RBMS1: variants seen among roughly 807,000 people sequenced by gnomAD.
RBMS1 encodes the protein RNA binding motif single stranded interacting protein 1.
A neutral mutation model predicts 62.3 loss-of-function variants in RBMS1; 17 were observed. That is an observed-to-expected ratio of 0.27 (90% CI 0.19 to 0.41). RBMS1 has a LOEUF of 0.41. Among genes scored for constraint, RBMS1 ranks in the 10% least tolerant of loss-of-function variants. RBMS1 has a pLI of 1.00. For missense variants in RBMS1, 334 were observed against 504.5 expected (o/e 0.66, Z 3.24); for synonymous variants, 172 against 170.0 (o/e 1.01, Z -0.09).
chr2:160,278,063 C>T (rs1687926143), intron 11 of RBMS1: 5 of 166,054 alleles, frequency 3.0e-5, no homozygotes. Context: ...TGCTAAGCAT[C>T]AAATCTGGAA....
intron 6 of RBMS1, among the ~76,000 whole-genome samples, chr2:160,287,628 C>T (rs1339158797): frequency 6.6e-6 from 1 of 152,256 alleles, no homozygotes; most frequent in Non-Finnish European, 1.5e-5. Context: ...AGGCTATACG[C>T]CCCATGGGGG....
In RBMS1 at chr2:160,397,128, T is replaced by C. The variant is rs535854075; in HGVS notation, c.76-29737A>G. 8.5e-5 allele frequency among the ~76,000 whole-genome samples: 13 copies of C among 152,178 alleles called. No homozygotes were observed. The East Asian group carries it at 2.1e-3, about 25-fold the overall frequency. On this transcript the variant is annotated intron_variant, in intron 1 of 13. Transcript: ENST00000348849. ...TTGCTCGTGGAGGGTCAGGATACCATGCCAACTCGTACCTCTGAACTCCCA... is the reference window on the plus strand; with the variant it reads ...TTGCTCGTGGAGGGTCAGGATACCACGCCAACTCGTACCTCTGAACTCCCA...
Position 160,493,446 on chromosome 2 carries a change from G to T in RBMS1, c.-83C>A. 1.5e-6 allele frequency: 2 copies of T among 1,363,112 alleles called. No individual in the cohort carries two copies. Among genetic ancestry groups the T allele is most frequent in the Non-Finnish European group, 2.1e-6 (2 of 968,194 alleles). The allele number at this position is 1,363,112 out of a possible 1,614,324, so 84.4% of individuals were successfully genotyped here. Reference sequence around the variant, plus strand: ...CGGGCTCTCCTGCCTCTCCCTTTCCGGCGGCGGCGGCAGCGGCGGCGGCGG... The same window carrying T: ...CGGGCTCTCCTGCCTCTCCCTTTCCTGCGGCGGCGGCAGCGGCGGCGGCGG... On this transcript the variant is annotated 5_prime_UTR_variant, in exon 1 of 14. Transcript: ENST00000348849.
intron 11 of RBMS1, 86 bp from the exon 12 acceptor site, chr2:160,277,469 G>A: frequency 2.0e-6 from 2 of 991,616 alleles, no homozygotes; most frequent in Non-Finnish European, 3.2e-6. Flanking sequence ...TGGATATAAT[G>A]TATTTGGAAA....
chr2:160,303,780 A>G (rs1689341249), intron 4 of RBMS1, among the ~76,000 whole-genome samples: 1 of 152,132 alleles, frequency 6.6e-6, no homozygotes, highest in Non-Finnish European at 1.5e-5. Context: ...GGTGTTTCTA[A>G]AAATAACTGA....
chr2:160,485,137 G>C (rs1377901882), intron 1 of RBMS1, among the ~76,000 whole-genome samples: 1 of 152,244 alleles, frequency 6.6e-6, no homozygotes, highest in East Asian at 1.9e-4. Context: ...AGGGGGAAAA[G>C]GGAACGAGTT....
At chr2:160,397,331 A>T (rs1036941022) in intron 1 of RBMS1, among the ~76,000 whole-genome samples, 5 of 152,114 alleles carry the variant, frequency 3.3e-5, no homozygotes, top group East Asian at 1.9e-4. Flanking sequence ...CTAAGCTTTC[A>T]TAAAAAGGTG....
chr2:160,305,310 G>A (rs1246052975), intron 4 of RBMS1, among the ~76,000 whole-genome samples: 1 of 152,178 alleles, frequency 6.6e-6, no homozygotes, highest in Non-Finnish European at 1.5e-5. Context: ...GTCATGGTAA[G>A]TGCCCTATAA....
In RBMS1 at chr2:160,303,324, G is replaced by T; in HGVS notation, c.560+6C>A. The T allele has an allele frequency of 6.3e-7, 1 of 1,595,084 alleles. No homozygotes were observed. The highest frequency in any genetic ancestry group is 1.8e-5 in the Admixed American group (1 of 56,508). ...TGACATAATAAAGACTGGGCAGAAG[G>T]CTTACCTAGCAAAGCCAACACCACG... On this transcript the variant is annotated splice_donor_region_variant and intron_variant, in intron 5 of 13. Transcript: ENST00000348849.
intron 1 of RBMS1, among the ~76,000 whole-genome samples, chr2:160,400,097 C>T (rs374706847): frequency 2.0e-5 from 3 of 152,178 alleles, no homozygotes; most frequent in African/African-American, 7.2e-5. Flanking sequence ...GCAGTGCACA[C>T]CTAAAACTCC....
chr2:160,377,605 C>A (rs1444256679), intron 1 of RBMS1, among the ~76,000 whole-genome samples: 1 of 152,146 alleles, frequency 6.6e-6, no homozygotes, highest in Non-Finnish European at 1.5e-5. Context: ...GATTTCAAAC[C>A]CAGTATCTGC....
intron 1 of RBMS1, 70 bp from the exon 2 acceptor site, chr2:160,367,461 C>T: frequency 1.9e-6 from 3 of 1,578,970 alleles, no homozygotes; most frequent in East Asian, 2.2e-5. Flanking sequence ...AATGAAGTTA[C>T]CAAGATTTAA....
intron 1 of RBMS1, among the ~76,000 whole-genome samples, chr2:160,466,475 A>G (rs1684696152): frequency 6.6e-6 from 1 of 152,170 alleles, no homozygotes; most frequent in African/African-American, 2.4e-5. Flanking sequence ...AAGATTTTTA[A>G]ATTTGAGAAT....
chr2:160,446,147 C>T (rs1300576705), intron 1 of RBMS1, among the ~76,000 whole-genome samples: 1 of 152,120 alleles, frequency 6.6e-6, no homozygotes, highest in Non-Finnish European at 1.5e-5. Flanking sequence ...TAACACCTAC[C>T]TTCAAAAAGT....
At chr2:160,428,548 C>A (rs1682748683) in intron 1 of RBMS1, among the ~76,000 whole-genome samples, 1 of 152,084 alleles carries the variant, frequency 6.6e-6, no homozygotes, top group Non-Finnish European at 1.5e-5. Flanking sequence ...TTCTTACCAT[C>A]CCTGGCCATT....
At chr2:160,435,916 G>C (rs1683091226) in intron 1 of RBMS1, among the ~76,000 whole-genome samples, 1 of 152,104 alleles carries the variant, frequency 6.6e-6, no homozygotes, top group African/African-American at 2.4e-5. Context: ...AATTTGACTG[G>C]GGTATAGAGG....
chr2:160,402,732 CAG>C (rs1170073508), intron 1 of RBMS1, among the ~76,000 whole-genome samples: 2 of 152,134 alleles, frequency 1.3e-5, no homozygotes, highest in African/African-American at 4.8e-5. Context: ...TTCCTAGTAG[CAG>C]ACACAGCCCT....
At chr2:160,387,899 T>A (rs1186244735) in intron 1 of RBMS1, among the ~76,000 whole-genome samples, 1 of 152,022 alleles carries the variant, frequency 6.6e-6, no homozygotes. Context: ...AACCCAGAGG[T>A]TTATGCCTGG....
At chr2:160,364,232 G>A (rs1321200927) in intron 2 of RBMS1, among the ~76,000 whole-genome samples, 1 of 152,178 alleles carries the variant, frequency 6.6e-6, no homozygotes, top group Non-Finnish European at 1.5e-5. Context: ...TCCTGAACTT[G>A]CTGGTTAACT....
Sources: gnomAD v4.1 joint callset for allele counts (sites outside exome capture counted in the v4.1 genomes callset) on GRCh38, gnomAD v4.1.1 for gene constraint, MANE v1.5 for transcripts, NCBI Gene and HGNC (gene_info 2026-07-23, HGNC 2026-07-21) for gene names.